The following AK7 variants were observed in gnomAD, a reference collection of about 807,000 sequenced individuals.
The protein encoded by AK7 is adenylate kinase 7, also known as ATP-AMP transphosphorylase 7.
In AK7, 78 loss-of-function variants were observed where a neutral mutation model predicts 96.6. The observed-to-expected ratio is 0.81, with a 90% CI of 0.67 to 0.97. The LOEUF is 0.97. Among genes scored for constraint, AK7 ranks in the 50% least tolerant of loss-of-function variants. The pLI, the probability that AK7 is intolerant of heterozygous loss-of-function variation, is 0.00. For missense variants in AK7, 855 were observed against 887.9 expected (o/e 0.96, Z 0.47); for synonymous variants, 302 against 317.2 (o/e 0.95, Z 0.51).
At chr14:96,454,663 AT>A (rs34594630) in intron 10 of AK7, among the ~76,000 whole-genome samples, 35,343 of 144,420 alleles carry the variant, frequency 0.24, 4,890 homozygotes, top group East Asian at 0.6. Flanking sequence ...TTTAAAAAAA[AT>A]TTTTTTTTTT....
rs574914546 is a variant in AK7, at chr14:96,459,831, C to T, written c.1357+1619C>T. On this transcript the variant is annotated intron_variant, in intron 12 of 17. Transcript: ENST00000267584. ...GGCAGAGGTTGCAGTGAGCTGAGAT[C>T]GCACCACTGTACTCTAGCCTGGGCA... 8.6e-5 allele frequency among the ~76,000 whole-genome samples: 13 copies of T among 151,780 alleles called. No individual in the cohort carries two copies. The East Asian group carries it at 2.3e-3, about 27-fold the overall frequency.
chr14:96,483,648 A>T (rs558523147), intron 16 of AK7, among the ~76,000 whole-genome samples: 1 of 150,256 alleles, frequency 6.7e-6, no homozygotes, highest in African/African-American at 2.4e-5. Flanking sequence ...CTGATCTCAA[A>T]CTCCTAATCT....
intron 4 of AK7, among the ~76,000 whole-genome samples, chr14:96,409,522 A>G (rs1457028139): frequency 2.0e-5 from 3 of 152,246 alleles, no homozygotes; most frequent in Admixed American, 2.0e-4. Context: ...CAGTGAGCCA[A>G]GATCGCACCA....
chr14:96,394,304 A>G lies in AK7; in HGVS notation c.105+2045A>G, dbSNP rs192192963. ...CACTTCATTAGGTGCAGCAAGTACCATGCCCAGGGCCCATGAGACTTTTAG... is the reference window on the plus strand; with the variant it reads ...CACTTCATTAGGTGCAGCAAGTACCGTGCCCAGGGCCCATGAGACTTTTAG... On this transcript the variant is annotated intron_variant, in intron 1 of 17. Coordinates refer to ENST00000267584, the MANE Select transcript of AK7 (RefSeq NM_152327.5). 2.2e-3 allele frequency among the ~76,000 whole-genome samples: 333 copies of G among 152,334 alleles called. 1 individual carries two copies. Among genetic ancestry groups the G allele is most frequent in the Non-Finnish European group, 3.5e-3 (240 of 68,024 alleles).
intron 4 of AK7, among the ~76,000 whole-genome samples, chr14:96,415,814 C>G (rs1186884726): frequency 1.3e-5 from 2 of 148,894 alleles, no homozygotes; most frequent in East Asian, 3.9e-4. Flanking sequence ...TAATTTAATA[C>G]ATTAATTAAA....
intron 2 of AK7, among the ~76,000 whole-genome samples, chr14:96,403,661 G>T (rs527483921): frequency 7.2e-5 from 11 of 152,286 alleles, no homozygotes; most frequent in African/African-American, 2.4e-4. Flanking sequence ...TGGTCTAAAA[G>T]GTTCTGCTTT....
At chr14:96,420,716 G>C (rs558907723) in intron 4 of AK7, 106 bp from the exon 5 acceptor site, 1 of 776,264 alleles carries the variant, frequency 1.3e-6, no homozygotes, top group Non-Finnish European at 2.0e-6. Context: ...TAAATCAAGC[G>C]GTAGTTTTAA....
Position 96,446,550 on chromosome 14 carries a change from G to C in AK7, c.813G>C (p.Lys271Asn), listed in dbSNP as rs200219902. The C allele has an allele frequency of 1.2e-6, 2 of 1,614,166 alleles. No individual in the cohort carries two copies. Among genetic ancestry groups the C allele is most frequent in the Non-Finnish European group, 8.5e-7 (1 of 1,180,036 alleles). The change falls in exon 8 of 18, where the codon AAG (lysine) becomes AAC (asparagine). Residue 271 changes from lysine to asparagine, a missense_variant. Transcript: ENST00000267584. The stretch of plus-strand genomic sequence containing the variant: ...AAAACGTCATAGATCACGTGCCAAA[G>C]CCTCACTACCTGGTTGCTGTGGATG... ...VIQNVIDHVP[K>N]PHYLVAVDES...
chr14:96,420,697 A>G lies in AK7; in HGVS notation c.499-125A>G, dbSNP rs1462637690. 6 of 689,404 alleles carry G rather than the reference A, an allele frequency of 8.7e-6. 1 individual carries two copies. The East Asian group carries it at 1.8e-4, about 20-fold the overall frequency. 42.7% of individuals were successfully genotyped at this position (689,404 alleles called of 1,614,324 possible). A position where few individuals can be genotyped will look rare whatever the true frequency, so the allele number is the denominator to read the frequency against. On this transcript the variant is annotated intron_variant, in intron 4 of 17. Transcript: ENST00000267584. Reference sequence around the variant, plus strand: ...AACACAGCGAGACCCTGTCTCAAAAATAAAAAAATAAATCAAGCGGTAGTT... The same window carrying G: ...AACACAGCGAGACCCTGTCTCAAAAGTAAAAAAATAAATCAAGCGGTAGTT...
In AK7 at chr14:96,429,636, G is replaced by A. The variant is rs568172486; in HGVS notation, c.610-8199G>A. On this transcript the variant is annotated intron_variant, in intron 5 of 17. Coordinates refer to ENST00000267584, the MANE Select transcript of AK7 (RefSeq NM_152327.5). ...AATTTTTTGTGTCCTCTTTTATTTC[G>A]TTGAGCAGTGGTTTGTAGTTCTCCT... Among the ~76,000 whole-genome samples, 22 of 152,068 alleles carry A rather than the reference G, an allele frequency of 1.4e-4. 1 individual carries two copies. Among genetic ancestry groups the A allele is most frequent in the South Asian group, 8.3e-4 (4 of 4,806 alleles).
At chr14:96,486,406 G>A (rs1895774620) in intron 16 of AK7, among the ~76,000 whole-genome samples, 2 of 152,178 alleles carry the variant, frequency 1.3e-5, no homozygotes, top group African/African-American at 4.8e-5. Context: ...TTTAGGTATT[G>A]TAAATTGTAA....
rs1436106202 is a variant in AK7, at chr14:96,404,766, CGAG to C, written c.305_307del (p.Arg102_Glu103delinsGln). On this transcript the variant is annotated inframe_deletion, in exon 3 of 18. Transcript: ENST00000267584. ...CAATTTTCTTTTTCAGGCCATCTCT[CGAG>C]AAGACCTTCTCATGCGCCTGCTGGA... is the stretch of plus-strand genomic sequence containing the variant. 6.2e-7 allele frequency: 1 copy of C among 1,600,934 alleles called. No homozygotes were observed. The highest frequency in any genetic ancestry group is 8.6e-7 in the Non-Finnish European group (1 of 1,169,308).
chr14:96,439,044 A>G (rs1892808106), intron 6 of AK7, among the ~76,000 whole-genome samples: 1 of 152,204 alleles, frequency 6.6e-6, no homozygotes. Flanking sequence ...TTGGGGTACA[A>G]TGCAATGAAA....
At chr14:96,483,802 T>C (rs1555386905) in intron 16 of AK7, among the ~76,000 whole-genome samples, 1 of 152,208 alleles carries the variant, frequency 6.6e-6, no homozygotes, top group Non-Finnish European at 1.5e-5. Context: ...TGTAACATTT[T>C]ACTATGCATT....
intron 3 of AK7, among the ~76,000 whole-genome samples, chr14:96,407,996 A>G (rs1269543727): frequency 6.6e-6 from 1 of 151,992 alleles, no homozygotes; most frequent in Admixed American, 6.6e-5. Flanking sequence ...AAAGCAGCAA[A>G]CCCTTTGGAA....
intron 3 of AK7, among the ~76,000 whole-genome samples, chr14:96,406,212 C>G (rs1057156183): frequency 6.6e-6 from 1 of 152,048 alleles, no homozygotes; most frequent in Non-Finnish European, 1.5e-5. Context: ...CCACTGTGCC[C>G]GGCCAAGCAA....
intron 10 of AK7, among the ~76,000 whole-genome samples, chr14:96,452,273 C>T (rs1893648831): frequency 6.6e-6 from 1 of 151,934 alleles, no homozygotes; most frequent in Admixed American, 6.6e-5. Context: ...GGTGGATATT[C>T]TTATCTATAT....
At chr14:96,406,980 T>C (rs1437896287) in intron 3 of AK7, among the ~76,000 whole-genome samples, 1 of 152,224 alleles carries the variant, frequency 6.6e-6, no homozygotes, top group Non-Finnish European at 1.5e-5. Context: ...CTATGTATTA[T>C]TTTTAATAAT....
chr14:96,423,365 TCTATTA>T (rs1039058339), intron 5 of AK7, among the ~76,000 whole-genome samples: 5 of 152,234 alleles, frequency 3.3e-5, no homozygotes, highest in Non-Finnish European at 5.9e-5. Flanking sequence ...GATGCTTTGC[TCTATTA>T]CTGTAGACCT....
Sources: gnomAD v4.1 joint callset for allele counts (sites outside exome capture counted in the v4.1 genomes callset) on GRCh38, gnomAD v4.1.1 for gene constraint, MANE v1.5 for transcripts, NCBI Gene and HGNC (gene_info 2026-07-23, HGNC 2026-07-21) for gene names.